SSH1: variants seen among roughly 807,000 people sequenced by gnomAD.
SSH1 encodes slingshot protein phosphatase 1, also known as protein phosphatase Slingshot homolog 1.
In SSH1, 43 loss-of-function variants were observed where a neutral mutation model predicts 79.7. The ratio of observed to expected loss-of-function variants is 0.54; its 90% CI spans 0.42 to 0.70. SSH1 has a LOEUF of 0.70. Ranked by LOEUF, SSH1 falls within the 30% of genes least tolerant of loss-of-function variation. The pLI is 0.00. For synonymous variants in SSH1, 599 were observed against 538.3 expected (o/e 1.11, Z -1.56); for missense variants, 1,206 against 1,358.8 (o/e 0.89, Z 1.77).
rs759671771 is a variant in SSH1 at position 108,785,448 on chromosome 12, T to C, written c.*2540A>G. ...CATCATACAGCATTTTAAATAGCCA[T>C]GTGCCATCTGTTTACATGCAACTGA... On this transcript the variant is annotated 3_prime_UTR_variant, in exon 15 of 15. Coordinates refer to ENST00000326495, the MANE Select transcript of SSH1 (RefSeq NM_018984.4). 1.3e-5 allele frequency: 2 copies of C among 152,240 alleles called. No individual in the cohort carries two copies. The highest frequency in any genetic ancestry group is 2.1e-4 in the South Asian group (1 of 4,832). 9.4% of individuals were successfully genotyped at this position (152,240 alleles called of 1,614,324 possible).
intron 13 of SSH1, among the ~76,000 whole-genome samples, chr12:108,796,622 C>T (rs1308277576): frequency 1.3e-5 from 2 of 152,144 alleles, no homozygotes; most frequent in Non-Finnish European, 2.9e-5. Context: ...GTTGCTTCCA[C>T]TTTTTGGCTA....
intron 13 of SSH1, among the ~76,000 whole-genome samples, chr12:108,797,893 T>C (rs892292231): frequency 2.6e-5 from 4 of 152,232 alleles, no homozygotes; most frequent in Admixed American, 1.3e-4. Context: ...CATTGGCCCT[T>C]TGCCCTCACT....
rs2037213308 is a variant in SSH1, at chr12:108,805,203, T to A, written c.826-19A>T. Reference sequence around the variant, plus strand: ...TACGAATCTGTGGAGTAGAAAATATTAGGAAAAGTGATTTGTTAAAGAAAA... The same window carrying A: ...TACGAATCTGTGGAGTAGAAAATATAAGGAAAAGTGATTTGTTAAAGAAAA... On this transcript the variant is annotated intron_variant, in intron 9 of 14. Coordinates refer to ENST00000326495, the MANE Select transcript of SSH1 (RefSeq NM_018984.4). 6.2e-7 allele frequency: 1 copy of A among 1,606,008 alleles called. No individual in the cohort carries two copies. The highest frequency in any genetic ancestry group is 1.1e-5 in the South Asian group (1 of 90,916).
Position 108,787,715 on chromosome 12 carries a change from GTTC to G in SSH1, c.*270_*272del, listed in dbSNP as rs2036322562. ...GTGTGCACGTTCTTCCTAAAACATG[GTTC>G]TTCTTGAAGACACGGTGGGAGCGGA... On this transcript the variant is annotated 3_prime_UTR_variant, in exon 15 of 15. Transcript: ENST00000326495. 3.9e-6 allele frequency: 2 copies of G among 508,674 alleles called. No homozygotes were observed. Among genetic ancestry groups the G allele is most frequent in the East Asian group, 3.6e-5 (1 of 27,422 alleles). The allele number at this position is 508,674 out of a possible 1,614,324, so 31.5% of individuals were successfully genotyped here.
chr12:108,788,659 T>C lies in SSH1; in HGVS notation c.2479A>G (p.Lys827Glu), dbSNP rs1253960826. The C allele has an allele frequency of 4.3e-6, 7 of 1,613,938 alleles. No individual in the cohort carries two copies. The Admixed American group carries it at 1.0e-4, about 23-fold the overall frequency. ...ACGCTCTTCAGCCGCTCTAGCTCTT[T>C]GGTGTGCTTGCGGACCAAGCCTGCC... ...QKAGLVRKHT[K>E]ELERLKSVPA... The change falls in exon 15 of 15, where the codon AAA becomes GAA. Residue 827 changes from lysine to glutamate, a missense_variant. By Grantham distance (56) the Lys-to-Glu change is moderately conservative. Coordinates refer to ENST00000326495, the MANE Select transcript of SSH1 (RefSeq NM_018984.4).
At chr12:108,848,242 C>T (rs1336652996) in intron 2 of SSH1, among the ~76,000 whole-genome samples, 1 of 152,132 alleles carries the variant, frequency 6.6e-6, no homozygotes, top group Non-Finnish European at 1.5e-5. Flanking sequence ...GAGGCGCCAC[C>T]AGGGAACTTG....
intron 2 of SSH1, among the ~76,000 whole-genome samples, chr12:108,851,659 C>A (rs113106978): frequency 6.6e-6 from 1 of 152,108 alleles, no homozygotes; most frequent in Non-Finnish European, 1.5e-5. Flanking sequence ...TTTTTGGTGT[C>A]CATTAGTGAA....
intron 3 of SSH1, among the ~76,000 whole-genome samples, chr12:108,821,270 T>A (rs577391395): frequency 7.2e-5 from 11 of 152,028 alleles, no homozygotes; most frequent in African/African-American, 2.7e-4. Flanking sequence ...GACACGCATC[T>A]ATGGTCCCAG....
At chr12:108,800,697 T>C in intron 12 of SSH1, 83 bp downstream of exon 12, 1 of 1,570,800 alleles carries the variant, frequency 6.4e-7, no homozygotes, top group Non-Finnish European at 8.7e-7. Context: ...AGCCGACTTC[T>C]GCATCTGCAG....
intron 1 of SSH1, among the ~76,000 whole-genome samples, chr12:108,854,987 T>C (rs1055846453): frequency 6.6e-6 from 1 of 152,242 alleles, no homozygotes; most frequent in African/African-American, 2.4e-5. Context: ...TGCTGCAGCT[T>C]TGCTATGATC....
chr12:108,850,259 C>T (rs1249754469), intron 2 of SSH1, among the ~76,000 whole-genome samples: 5 of 584 alleles, frequency 8.6e-3, no homozygotes, highest in African/African-American at 0.031. Context: ...CAGGAGGGAG[C>T]TGGGGGAGGG....
chr12:108,857,517 G>A lies in SSH1; in HGVS notation c.-21C>T, dbSNP rs1171458297. The A allele has an allele frequency of 3.6e-6, 4 of 1,124,320 alleles. No homozygotes were observed. The highest frequency in any genetic ancestry group is 3.6e-5 in the South Asian group (2 of 55,330). 69.6% of individuals were successfully genotyped at this position (1,124,320 alleles called of 1,614,324 possible). A position where few individuals can be genotyped will look rare whatever the true frequency, so the allele number is the denominator to read the frequency against. On this transcript the variant is annotated 5_prime_UTR_variant, in exon 1 of 15. Transcript: ENST00000326495. The surrounding 1 kb of genome is among the most constrained non-coding windows in gnomAD (Gnocchi z 4.7). ...GCCATGGCTGCGGCGCGGTGCGAGG[G>A]CGCCACAGACGTCTCGAGCTAGAGC...
chr12:108,791,145 T>G (rs981054551), intron 14 of SSH1, among the ~76,000 whole-genome samples: 4 of 152,238 alleles, frequency 2.6e-5, no homozygotes, highest in Non-Finnish European at 5.9e-5. Flanking sequence ...AGTCTCGCTC[T>G]GTCACCCAGG....
At chr12:108,835,287 C>T (rs35158449) in intron 2 of SSH1, among the ~76,000 whole-genome samples, 720 of 152,264 alleles carry the variant, frequency 4.7e-3, no homozygotes, top group Non-Finnish European at 8.2e-3. Flanking sequence ...GGAACTGAGG[C>T]TCAATTAGCC....
intron 14 of SSH1, chr12:108,791,998 A>C: frequency 7.3e-7 from 1 of 1,362,752 alleles, no homozygotes; most frequent in East Asian, 2.6e-5. Flanking sequence ...CCAGGGTATG[A>C]ATAAGGTACA....
At chr12:108,811,061 G>A (rs1178323948) in intron 6 of SSH1, among the ~76,000 whole-genome samples, 199 bp downstream of exon 6, 1 of 152,152 alleles carries the variant, frequency 6.6e-6, no homozygotes, top group Non-Finnish European at 1.5e-5. Flanking sequence ...TACTTCATGA[G>A]CTAAACTCCC....
At chr12:108,794,361 AG>A (rs1347297510) in intron 13 of SSH1, among the ~76,000 whole-genome samples, 1 of 152,170 alleles carries the variant, frequency 6.6e-6, no homozygotes, top group Non-Finnish European at 1.5e-5. Flanking sequence ...TTTTGCACAC[AG>A]CACCCTGACT....
Position 108,809,690 on chromosome 12 carries a change from T to C in SSH1, c.536+3A>G. ...AGTTAAAAGTCCCTAAAACCACACT[T>C]ACCACATGGCCTGGACAGACACAGG... On this transcript the variant is annotated splice_donor_region_variant and intron_variant, in intron 7 of 14. Transcript: ENST00000326495. 1 of 1,613,540 alleles carries C rather than the reference T, an allele frequency of 6.2e-7. No homozygotes were observed. The highest frequency in any genetic ancestry group is 8.5e-7 in the Non-Finnish European group (1 of 1,179,566).
chr12:108,818,846 T>C (rs2038004025), intron 3 of SSH1, among the ~76,000 whole-genome samples: 1 of 152,190 alleles, frequency 6.6e-6, no homozygotes, highest in South Asian at 2.1e-4. Flanking sequence ...CTCCGCCTCC[T>C]GGATTCAACA....
Sources: gnomAD v4.1 joint callset for allele counts (sites outside exome capture counted in the v4.1 genomes callset) on GRCh38, gnomAD v4.1.1 for gene constraint, Gnocchi (gnomAD v3.1) non-coding constraint, MANE v1.5 for transcripts, NCBI Gene and HGNC (gene_info 2026-07-23, HGNC 2026-07-21) for gene names.